ATP2B1: variants seen among roughly 807,000 people sequenced by gnomAD.
ATP2B1 encodes the protein plasma membrane calcium-transporting ATPase 1.
In ATP2B1, 14 loss-of-function variants were observed where a neutral mutation model predicts 124.2. The ratio of observed to expected loss-of-function variants is 0.11; its 90% confidence interval spans 0.07 to 0.18. The LOEUF is 0.18. ATP2B1 is among the 10% of genes least tolerant of loss of function. The pLI is 1.00. For missense variants in ATP2B1, 763 were observed against 1,466.1 expected (o/e 0.52, Z 7.83); for synonymous variants, 449 against 492.4 (o/e 0.91, Z 1.17).
At chr12:89,687,250 T>C (rs1301879667) in intron 1 of ATP2B1, among the ~76,000 whole-genome samples, 2 of 152,102 alleles carry the variant, frequency 1.3e-5, no homozygotes, top group Non-Finnish European at 2.9e-5. Flanking sequence ...CGCTTTTATG[T>C]TTAGATACAC....
intron 1 of ATP2B1, among the ~76,000 whole-genome samples, chr12:89,684,188 T>C (rs1889693988): frequency 6.6e-6 from 1 of 152,138 alleles, no homozygotes; most frequent in Admixed American, 6.5e-5. Context: ...TGAAAATTGG[T>C]TACTTACAAA....
chr12:89,648,443 AG>A (rs1884795192), intron 2 of ATP2B1, among the ~76,000 whole-genome samples: 1 of 152,176 alleles, frequency 6.6e-6, no homozygotes, highest in South Asian at 2.1e-4. Flanking sequence ...TGAACTTAAG[AG>A]TAATGACCTA....
intron 1 of ATP2B1, among the ~76,000 whole-genome samples, chr12:89,663,159 A>G (rs1886898121): frequency 6.6e-6 from 1 of 152,230 alleles, no homozygotes; most frequent in Non-Finnish European, 1.5e-5. Flanking sequence ...GAGCTAAACA[A>G]AACTTCCTAA....
At chr12:89,682,215 C>T (rs889996503) in intron 1 of ATP2B1, among the ~76,000 whole-genome samples, 2 of 151,988 alleles carry the variant, frequency 1.3e-5, no homozygotes, top group Non-Finnish European at 2.9e-5. Flanking sequence ...TGTAAAAACA[C>T]CTGAAATATA....
chr12:89,601,289 C>A, intron 19 of ATP2B1, 37 bp downstream of exon 19: 1 of 1,356,594 alleles, frequency 7.4e-7, no homozygotes. Flanking sequence ...AAAAAAAAAT[C>A]ACTTTAGGTT....
At position 89,603,581 on chromosome 12, in the gene ATP2B1, G is replaced by A; in HGVS notation, c.2848+131C>T. On this transcript the variant is annotated intron_variant, in intron 17 of 20. Transcript: ENST00000428670. This position sits in a 1 kb window ranked among gnomAD's most constrained non-coding sequence, Gnocchi z 4.3. Reference sequence around the variant, plus strand: ...TTACTAAGCACTCACTGATTAAGAAGAAATTAAAGATAAATGGGAAGTCAG... The same window carrying A: ...TTACTAAGCACTCACTGATTAAGAAAAAATTAAAGATAAATGGGAAGTCAG... 1.1e-6 allele frequency: 1 copy of A among 931,418 alleles called. No individual in the cohort carries two copies. The highest frequency in any genetic ancestry group is 1.7e-5 in the South Asian group (1 of 58,802). 57.7% of individuals were successfully genotyped at this position (931,418 alleles called of 1,614,324 possible). A position where few individuals can be genotyped will look rare whatever the true frequency, so the allele number is the denominator to read the frequency against.
At chr12:89,630,047 CAA>C (rs1881592900) in intron 6 of ATP2B1, among the ~76,000 whole-genome samples, 1 of 152,084 alleles carries the variant, frequency 6.6e-6, no homozygotes, top group Non-Finnish European at 1.5e-5. Context: ...CTGAATATAA[CAA>C]GAGAAATGTA....
At chr12:89,675,644 C>A (rs564359650) in intron 1 of ATP2B1, among the ~76,000 whole-genome samples, 4 of 152,180 alleles carry the variant, frequency 2.6e-5, no homozygotes, top group South Asian at 2.1e-4. Context: ...ATATAACTTA[C>A]AATTGAAGCA....
At chr12:89,663,392 A>G (rs1268050679) in intron 1 of ATP2B1, among the ~76,000 whole-genome samples, 1 of 152,242 alleles carries the variant, frequency 6.6e-6, no homozygotes, top group Admixed American at 6.5e-5. Flanking sequence ...GAGGGTATGC[A>G]AAGAAATAAT....
intron 20 of ATP2B1, 89 bp downstream of exon 20, chr12:89,599,028 G>A: frequency 1.4e-6 from 2 of 1,435,130 alleles, no homozygotes; most frequent in Non-Finnish European, 1.9e-6. Context: ...AGGCTAGAGA[G>A]GAAGTTTAAG....
intron 3 of ATP2B1, 28 bp downstream of exon 3, chr12:89,642,130 C>A: frequency 6.4e-7 from 1 of 1,573,628 alleles, no homozygotes. Context: ...TAGCATCAGA[C>A]ATGTCTTTTT....
At chr12:89,673,926 C>A (rs1032033816) in intron 1 of ATP2B1, among the ~76,000 whole-genome samples, 7 of 152,190 alleles carry the variant, frequency 4.6e-5, no homozygotes, top group Admixed American at 4.6e-4. Flanking sequence ...CTTATTCGAG[C>A]ATTTCAAGTT....
chr12:89,603,508 G>A lies in ATP2B1; in HGVS notation c.2848+204C>T. On this transcript the variant is annotated intron_variant, in intron 17 of 20. Transcript: ENST00000428670. The surrounding 1 kb of genome is among the most constrained non-coding windows in gnomAD (Gnocchi z 4.3). Reference sequence around the variant, plus strand: ...AGAGCCAGGGTAAGACATCAGGACTGTTTATTCTCCTGTTTATTCTACTAT... The same window carrying A: ...AGAGCCAGGGTAAGACATCAGGACTATTTATTCTCCTGTTTATTCTACTAT... 4.7e-6 allele frequency: 3 copies of A among 644,906 alleles called. No homozygotes were observed. The highest frequency in any genetic ancestry group is 7.9e-6 in the Non-Finnish European group (3 of 379,802). The allele number at this position is 644,906 out of a possible 1,614,324, so 39.9% of individuals were successfully genotyped here.
intron 7 of ATP2B1, 31 bp downstream of exon 7, chr12:89,627,647 G>C: frequency 1.6e-5 from 25 of 1,608,130 alleles, no homozygotes; most frequent in Non-Finnish European, 2.1e-5. Context: ...ATGAAAACAA[G>C]CTCACTGTAC....
chr12:89,603,315 A>T lies in ATP2B1; in HGVS notation c.2849-61T>A, dbSNP rs1876233198. 2.9e-5 allele frequency: 40 copies of T among 1,363,832 alleles called. No homozygotes were observed. The South Asian group carries it at 4.1e-4, about 14-fold the overall frequency. 84.5% of individuals were successfully genotyped at this position (1,363,832 alleles called of 1,614,324 possible). A position where few individuals can be genotyped will look rare whatever the true frequency, so the allele number is the denominator to read the frequency against. ...ATACCAAATTAGATTTCAAGGAGGTATACAAATTACAACTTAGCTAGACCT... is the reference window on the plus strand; with the variant it reads ...ATACCAAATTAGATTTCAAGGAGGTTTACAAATTACAACTTAGCTAGACCT... On this transcript the variant is annotated intron_variant, in intron 17 of 20. Transcript: ENST00000428670. This position sits in a 1 kb window ranked among gnomAD's most constrained non-coding sequence, Gnocchi z 4.3.
chr12:89,686,900 T>C (rs926323085), intron 1 of ATP2B1, among the ~76,000 whole-genome samples: 5 of 152,040 alleles, frequency 3.3e-5, no homozygotes, highest in African/African-American at 7.2e-5. Flanking sequence ...GTCTCTACCA[T>C]ATATCTATAA....
chr12:89,698,027 C>T (rs1456096321), intron 1 of ATP2B1, among the ~76,000 whole-genome samples: 11 of 152,240 alleles, frequency 7.2e-5, no homozygotes, highest in East Asian at 3.9e-4. Flanking sequence ...CATGCCACTA[C>T]GCCCGGCTAA....
At chr12:89,628,054 G>A (rs1006890077) in intron 6 of ATP2B1, among the ~76,000 whole-genome samples, 3 of 152,142 alleles carry the variant, frequency 2.0e-5, no homozygotes, top group African/African-American at 4.8e-5. Flanking sequence ...GGGCAGAGGT[G>A]GAGAGGGAGG....
At chr12:89,707,716 G>A (rs1313508181) in intron 1 of ATP2B1, among the ~76,000 whole-genome samples, 2 of 152,130 alleles carry the variant, frequency 1.3e-5, no homozygotes, top group South Asian at 2.1e-4. Flanking sequence ...AGCACTCCCA[G>A]CGCTGCGAGT....
Sources: gnomAD v4.1 joint callset for allele counts (sites outside exome capture counted in the v4.1 genomes callset) on GRCh38, gnomAD v4.1.1 for gene constraint, Gnocchi (gnomAD v3.1) non-coding constraint, MANE v1.5 for transcripts, NCBI Gene and HGNC (gene_info 2026-07-23, HGNC 2026-07-21) for gene names.